DRC5: variants seen among roughly 807,000 people sequenced by gnomAD.
DRC5 encodes the protein dynein regulatory complex subunit 5.
At chr6:44,286,519 C>T in the DRC5 span, 1 of 1,612,278 alleles carries the variant, frequency 6.2e-7, no homozygotes, top group East Asian at 2.2e-5. Context: ...GCATCTGCTT[C>T]AGGATAGGGT....
At chr6:44,282,122 G>A in the DRC5 span, 3 of 1,611,822 alleles carry the variant, frequency 1.9e-6, no homozygotes, top group Non-Finnish European at 2.5e-6. Context: ...GCCCGATGTG[G>A]TTGCAGGACA....
chr6:44,283,883 C>T, the DRC5 span, among the ~76,000 whole-genome samples: 1 of 152,210 alleles, frequency 6.6e-6, no homozygotes, highest in African/African-American at 2.4e-5. Flanking sequence ...GGTGAACTCT[C>T]CTCTTGCCTT....
chr6:44,296,934 T>TAGA, the DRC5 span, among the ~76,000 whole-genome samples: 1 of 149,270 alleles, frequency 6.7e-6, no homozygotes, highest in Non-Finnish European at 1.5e-5. Flanking sequence ...CAACTGAGCC[T>TAGA]CGGCCCGTGT....
the DRC5 span, chr6:44,280,121 G>A: frequency 2.3e-5 from 34 of 1,455,496 alleles, no homozygotes; most frequent in South Asian, 8.2e-5. Context: ...CTCTGCAGCA[G>A]GCATGGCAGG....
the DRC5 span, among the ~76,000 whole-genome samples, chr6:44,283,726 A>C: frequency 2.0e-5 from 3 of 152,242 alleles, no homozygotes; most frequent in Non-Finnish European, 4.4e-5. Context: ...CTATCACCGG[A>C]AACACCAATA....
the DRC5 span, among the ~76,000 whole-genome samples, chr6:44,294,772 C>CAAAAA: frequency 3.8e-4 from 33 of 87,248 alleles, no homozygotes; most frequent in Admixed American, 5.4e-4. Context: ...AACTCTGTCT[C>CAAAAA]AAAAAAAAAA....
At chr6:44,297,155 G>A in the DRC5 span, among the ~76,000 whole-genome samples, 1 of 152,202 alleles carries the variant, frequency 6.6e-6, no homozygotes, top group Admixed American at 6.5e-5. Flanking sequence ...TCCTACCTGG[G>A]GTGTAGAGGC....
chr6:44,296,175 A>G, the DRC5 span, among the ~76,000 whole-genome samples: 6 of 152,196 alleles, frequency 3.9e-5, no homozygotes, highest in Non-Finnish European at 8.8e-5. Context: ...TCTTACTTCC[A>G]TGAGATGCTG....
At chr6:44,283,976 A>G in the DRC5 span, among the ~76,000 whole-genome samples, 1 of 152,148 alleles carries the variant, frequency 6.6e-6, no homozygotes, top group South Asian at 2.1e-4. Flanking sequence ...TCTCTTCTAC[A>G]TTCATCCCCT....
chr6:44,287,504 C>G, the DRC5 span: 15 of 1,560,372 alleles, frequency 9.6e-6, no homozygotes, highest in African/African-American at 1.4e-5. Flanking sequence ...CACCTAGCCC[C>G]CCTCTTGGCC....
chr6:44,287,432 G>T, the DRC5 span: 13 of 1,107,606 alleles, frequency 1.2e-5, no homozygotes, highest in Admixed American at 7.7e-5. Flanking sequence ...GATGCCATAC[G>T]GGAGAGCAGG....
chr6:44,286,515 G>C, the DRC5 span: 1 of 1,612,926 alleles, frequency 6.2e-7, no homozygotes, highest in South Asian at 1.1e-5. Flanking sequence ...GGGAGCATCT[G>C]CTTCAGGATA....
chr6:44,281,337 T>C, the DRC5 span, among the ~76,000 whole-genome samples: 1 of 152,250 alleles, frequency 6.6e-6, no homozygotes, highest in Non-Finnish European at 1.5e-5. Flanking sequence ...AATATCAGCA[T>C]ATATCACGTC....
the DRC5 span, among the ~76,000 whole-genome samples, chr6:44,296,941 G>GCCAGTTCACTTACCACTGCCCCTGGACT: frequency 6.7e-6 from 1 of 150,338 alleles, no homozygotes; most frequent in Non-Finnish European, 1.5e-5. Context: ...GCCTCGGCCC[G>GCCAGTTCACTTACCACTGCCCCTGGACT]TGTGCTTGGA....
the DRC5 span, chr6:44,287,452 A>G: frequency 7.7e-7 from 1 of 1,295,192 alleles, no homozygotes; most frequent in Admixed American, 2.2e-5. Context: ...GGGCTGCCCC[A>G]GGACCCAGCT....
the DRC5 span, among the ~76,000 whole-genome samples, chr6:44,292,479 C>G: frequency 6.6e-6 from 1 of 152,236 alleles, no homozygotes; most frequent in African/African-American, 2.4e-5. Flanking sequence ...CACACCCACA[C>G]TAGACTGTGA....
chr6:44,287,999 T>C, the DRC5 span: 4 of 762,156 alleles, frequency 5.2e-6, no homozygotes, highest in Admixed American at 3.0e-5. Context: ...TACAGAATAG[T>C]GCTTAACGAT....
At chr6:44,295,839 CT>C in the DRC5 span, among the ~76,000 whole-genome samples, 1 of 152,090 alleles carries the variant, frequency 6.6e-6, no homozygotes, top group African/African-American at 2.4e-5. Flanking sequence ...GTTTCTTCAT[CT>C]ATAACGTGGG....
chr6:44,295,463 C>T, the DRC5 span, among the ~76,000 whole-genome samples: 16 of 152,186 alleles, frequency 1.1e-4, no homozygotes, highest in Non-Finnish European at 2.2e-4. Context: ...GGACCAGGGT[C>T]CAGGGTCCTG....
Sources: allele counts gnomAD v4.1 joint callset (sites outside exome capture counted in the v4.1 genomes callset), GRCh38; gene constraint gnomAD v4.1.1; transcripts MANE v1.5; gene names NCBI Gene and HGNC (gene_info 2026-07-23, HGNC 2026-07-21).